Variants in AP2S1 observed in about 807,000 individuals in gnomAD.
AP2S1 encodes adaptor related protein complex 2 subunit sigma 1, also known as AP-2 complex subunit sigma.
AP2S1 carries 6 observed loss-of-function variants against 21.0 expected under a neutral mutation model. That is an observed-to-expected ratio of 0.29 (90% confidence interval 0.16 to 0.56). AP2S1 has a LOEUF of 0.56. AP2S1 is among the 20% of genes least tolerant of loss of function. The probability of loss-of-function intolerance (pLI) is 0.92; values close to 1 mark genes in which losing one functional copy is unlikely to be tolerated. For missense variants in AP2S1, 60 were observed against 186.2 expected (o/e 0.32, Z 3.95); for synonymous variants, 63 against 74.6 (o/e 0.84, Z 0.80).
intron 1 of AP2S1, 103 bp downstream of exon 1, chr19:46,850,661 C>A: frequency 9.0e-7 from 1 of 1,107,942 alleles, no homozygotes; most frequent in South Asian, 1.3e-5. Flanking sequence ...CTGACCCAGA[C>A]CATCCGCGGC....
chr19:46,840,864 CG>C (rs1344029608), intron 2 of AP2S1, among the ~76,000 whole-genome samples: 2 of 148,892 alleles, frequency 1.3e-5, no homozygotes, highest in Non-Finnish European at 3.0e-5. Context: ...ATTACAGGCG[CG>C]CCACCACACC....
intron 2 of AP2S1, chr19:46,845,771 T>G (rs1020598413): frequency 7.6e-6 from 4 of 524,416 alleles, no homozygotes; most frequent in African/African-American, 7.5e-5. Context: ...GAATCTCCAA[T>G]CTACTTTTCT....
intron 1 of AP2S1, among the ~76,000 whole-genome samples, chr19:46,846,441 GTTT>G (rs1229404009): frequency 3.8e-5 from 4 of 104,656 alleles, no homozygotes; most frequent in African/African-American, 4.2e-5. Flanking sequence ...ATCTCTCTCT[GTTT>G]TTTTTTTTTT....
In AP2S1 at chr19:46,839,492, G is replaced by C. The variant is rs1273896614; in HGVS notation, c.240C>G (p.Tyr80Ter). 6.2e-7 allele frequency: 1 copy of C among 1,609,084 alleles called. No homozygotes were observed. The highest frequency in any genetic ancestry group is 8.5e-7 in the Non-Finnish European group (1 of 1,176,876). The change falls in exon 3 of 5, where the codon TAC becomes TAG. Residue 80 changes from tyrosine to a stop codon, truncating the protein, a stop_gained. Coordinates refer to ENST00000263270, the MANE Select transcript of AP2S1 (RefSeq NM_004069.6). LOFTEE classifies it high-confidence loss of function. ...CCACGAAGTTGTGAATGGCCTCCAG[G>C]TAAGCCAGGTTGTTGTCATTGACAT... Reference protein sequence around the residue: ...CVDVNDNNLAYLEAIHNFVEV... With the variant: ...CVDVNDNNLA
chr19:46,843,361 T>C (rs758250533), intron 2 of AP2S1, among the ~76,000 whole-genome samples: 4 of 152,168 alleles, frequency 2.6e-5, no homozygotes, highest in Non-Finnish European at 4.4e-5. Context: ...ATGGCCATGC[T>C]CTGCTCAAAA....
chr19:46,850,150 C>CT, intron 1 of AP2S1: 16 of 1,232,330 alleles, frequency 1.3e-5, no homozygotes, highest in Non-Finnish European at 1.6e-5. Context: ...GTCCTCTCTC[C>CT]TTTTACAGCG....
Position 46,846,153 on chromosome 19 carries a change from C to G in AP2S1, c.4-11G>C. The stretch of plus-strand genomic sequence containing the variant: ...GAGGATAAAGCGGATCTGGGGGCAG[C>G]AGGAGGAGAAGGAGGAAGTGAGAGA... On this transcript the variant is annotated splice_polypyrimidine_tract_variant and intron_variant, in intron 1 of 4. Coordinates refer to ENST00000263270, the MANE Select transcript of AP2S1 (RefSeq NM_004069.6). 6.2e-7 allele frequency: 1 copy of G among 1,613,740 alleles called. No homozygotes were observed. Among genetic ancestry groups the G allele is most frequent in the South Asian group, 1.1e-5 (1 of 91,060 alleles).
intron 2 of AP2S1, among the ~76,000 whole-genome samples, chr19:46,844,602 A>C (rs2055587079): frequency 6.6e-6 from 1 of 151,864 alleles, no homozygotes; most frequent in East Asian, 1.9e-4. Flanking sequence ...GTTTGAGACC[A>C]GCCTGGGCAA....
chr19:46,850,581 C>T (rs1000016906), intron 1 of AP2S1, 183 bp downstream of exon 1: 2 of 646,298 alleles, frequency 3.1e-6, no homozygotes, highest in African/African-American at 1.9e-5. Context: ...TGGTAACCCC[C>T]GCGCGCAGAA....
chr19:46,846,913 G>A (rs1287991073), intron 1 of AP2S1, among the ~76,000 whole-genome samples: 3 of 151,984 alleles, frequency 2.0e-5, no homozygotes, highest in East Asian at 1.9e-4. Context: ...TGATCCGCCC[G>A]CCTCTGCCTC....
intron 1 of AP2S1, among the ~76,000 whole-genome samples, chr19:46,848,427 G>C (rs527463333): frequency 6.6e-6 from 1 of 152,092 alleles, no homozygotes; most frequent in Non-Finnish European, 1.5e-5. Flanking sequence ...TGACTGGCAC[G>C]TACTAAGTGT....
At chr19:46,839,901 T>G (rs1285774683) in intron 2 of AP2S1, among the ~76,000 whole-genome samples, 3 of 152,066 alleles carry the variant, frequency 2.0e-5, no homozygotes, top group African/African-American at 7.2e-5. Context: ...GCAGGAATGT[T>G]CTAAGCAGAT....
At chr19:46,840,508 C>T (rs555542179) in intron 2 of AP2S1, among the ~76,000 whole-genome samples, 9 of 151,812 alleles carry the variant, frequency 5.9e-5, no homozygotes, top group East Asian at 2.0e-4. Context: ...GGTATGGTGG[C>T]GTGTACCTGT....
At chr19:46,846,279 C>T (rs1321481463) in intron 1 of AP2S1, 137 bp from the exon 2 acceptor site, 18 of 1,140,124 alleles carry the variant, frequency 1.6e-5, no homozygotes, top group Admixed American at 2.4e-5. Flanking sequence ...CCAGGGGTCT[C>T]GGCTGCTCCC....
In AP2S1 at chr19:46,839,687, A is replaced by G; in HGVS notation, c.154-109T>C. On this transcript the variant is annotated intron_variant, in intron 2 of 4. Transcript: ENST00000263270. The stretch of plus-strand genomic sequence containing the variant: ...CACTCCATACGTGGTCCCGAGGCCC[A>G]GCTCTGTGCCTGGCCCTGTGCTGGG... 2.0e-6 allele frequency: 3 copies of G among 1,534,710 alleles called. No individual in the cohort carries two copies. In the South Asian group the frequency reaches 3.7e-5, roughly 19 times the overall value.
intron 1 of AP2S1, among the ~76,000 whole-genome samples, chr19:46,849,216 G>A (rs912912348): frequency 6.6e-5 from 10 of 151,096 alleles, no homozygotes; most frequent in Admixed American, 2.6e-4. Flanking sequence ...ACGTTGGCCA[G>A]GCTGGTCTCG....
chr19:46,847,407 A>G (rs999530750), intron 1 of AP2S1, among the ~76,000 whole-genome samples: 5 of 151,802 alleles, frequency 3.3e-5, no homozygotes, highest in Non-Finnish European at 7.4e-5. Flanking sequence ...TAGTAGAGAC[A>G]GTGTTTCACC....
At chr19:46,850,510 C>G (rs1244813676) in intron 1 of AP2S1, 5 of 594,068 alleles carry the variant, frequency 8.4e-6, no homozygotes, top group Non-Finnish European at 1.4e-5. Context: ...ACAACGTTTC[C>G]CACCTGCACA....
intron 2 of AP2S1, among the ~76,000 whole-genome samples, chr19:46,842,487 A>G (rs1364432858): frequency 6.6e-6 from 1 of 152,178 alleles, no homozygotes; most frequent in Non-Finnish European, 1.5e-5. Context: ...GAATACATGC[A>G]CAAAGGAACA....
Sources: gnomAD v4.1 joint callset for allele counts (sites outside exome capture counted in the v4.1 genomes callset) on GRCh38, gnomAD v4.1.1 for gene constraint, MANE v1.5 for transcripts, NCBI Gene and HGNC (gene_info 2026-07-23, HGNC 2026-07-21) for gene names.